The following IKZF2 variants were observed in gnomAD, a reference collection of about 807,000 sequenced individuals.
The protein encoded by IKZF2 is zinc finger protein Helios.
IKZF2 carries 15 observed loss-of-function variants against 49.2 expected under a neutral mutation model. The ratio of observed to expected loss-of-function variants is 0.30; its 90% CI spans 0.20 to 0.47. The LOEUF is 0.47. Among genes scored for constraint, IKZF2 ranks in the 20% least tolerant of loss-of-function variants. The pLI is 1.00. For missense variants in IKZF2, 567 were observed against 664.6 expected (o/e 0.85, Z 1.61); for synonymous variants, 227 against 221.4 (o/e 1.03, Z -0.23).
chr2:213,113,944 A>G (rs2059793176), intron 4 of IKZF2, among the ~76,000 whole-genome samples: 1 of 152,176 alleles, frequency 6.6e-6, no homozygotes. Context: ...CAGAATGCCT[A>G]TCTCCCACTG....
intron 4 of IKZF2, among the ~76,000 whole-genome samples, chr2:213,065,909 T>G (rs1559228041): frequency 6.6e-6 from 1 of 152,064 alleles, no homozygotes; most frequent in East Asian, 1.9e-4. Context: ...TACTCCACAG[T>G]GGAATACAGG....
chr2:213,143,195 T>C lies in IKZF2; in HGVS notation c.139+4513A>G, dbSNP rs559622020. Among the ~76,000 whole-genome samples the C allele has an allele frequency of 6.1e-4, 93 of 152,108 alleles. 1 individual carries two copies. The South Asian group carries it at 0.012, about 20-fold the overall frequency. ...GGAACCCAGAGATGAAAATTCATTA[T>C]GGCTTACAGGAAGACTCTCAATAGA... On this transcript the variant is annotated intron_variant, in intron 4 of 8. Transcript: ENST00000434687.
intron 6 of IKZF2, among the ~76,000 whole-genome samples, chr2:213,034,551 C>T (rs1253637051): frequency 2.6e-5 from 4 of 152,132 alleles, no homozygotes; most frequent in Non-Finnish European, 5.9e-5. Flanking sequence ...AGGTGAGGGA[C>T]AGAGGGACAG....
intron 6 of IKZF2, among the ~76,000 whole-genome samples, chr2:213,036,682 C>T (rs1029485731): frequency 2.0e-5 from 3 of 152,076 alleles, no homozygotes; most frequent in Non-Finnish European, 4.4e-5. Flanking sequence ...AAGGACTCCA[C>T]TCTGATAGAT....
chr2:213,133,548 T>C (rs2060542822), intron 4 of IKZF2, among the ~76,000 whole-genome samples: 5 of 151,964 alleles, frequency 3.3e-5, no homozygotes, highest in Non-Finnish European at 1.5e-5. Flanking sequence ...CTGACCAACA[T>C]GGTAAAACCC....
At chr2:213,009,578 A>T (rs904445334) in intron 8 of IKZF2, among the ~76,000 whole-genome samples, 3 of 152,120 alleles carry the variant, frequency 2.0e-5, no homozygotes, top group African/African-American at 7.2e-5. Context: ...ACACAAAACG[A>T]GGAGAAATTA....
chr2:213,110,384 T>C (rs1489053484), intron 4 of IKZF2, among the ~76,000 whole-genome samples: 1 of 151,940 alleles, frequency 6.6e-6, no homozygotes, highest in Non-Finnish European at 1.5e-5. Flanking sequence ...AGTTTTTAAA[T>C]ATAATTATTA....
intron 4 of IKZF2, among the ~76,000 whole-genome samples, chr2:213,106,084 A>C (rs1271196342): frequency 6.6e-6 from 1 of 152,160 alleles, no homozygotes; most frequent in Non-Finnish European, 1.5e-5. Flanking sequence ...TTAAGATATA[A>C]ATTTACCTAA....
At chr2:213,034,202 G>A (rs1369700707) in intron 6 of IKZF2, among the ~76,000 whole-genome samples, 1 of 152,136 alleles carries the variant, frequency 6.6e-6, no homozygotes, top group Non-Finnish European at 1.5e-5. Flanking sequence ...AGAATGTTGT[G>A]GCTGGTTTGA....
intron 4 of IKZF2, among the ~76,000 whole-genome samples, chr2:213,138,646 T>G (rs1259848920): frequency 6.6e-6 from 1 of 152,028 alleles, no homozygotes; most frequent in African/African-American, 2.4e-5. Context: ...AAGATTCACA[T>G]CTGGAAAACC....
chr2:213,093,866 C>T lies in IKZF2; in HGVS notation c.140-36767G>A, dbSNP rs569846306. Among the ~76,000 whole-genome samples the T allele has an allele frequency of 2.6e-5, 4 of 152,204 alleles. No homozygotes were observed. In the East Asian group the frequency reaches 7.7e-4, roughly 29 times the overall value. ...CTACATGACCTTGAACTTTCTAGTTCGGGAACTAATACATTATAAGACATA... is the reference window on the plus strand; with the variant it reads ...CTACATGACCTTGAACTTTCTAGTTTGGGAACTAATACATTATAAGACATA... On this transcript the variant is annotated intron_variant, in intron 4 of 8. Coordinates refer to ENST00000434687, the MANE Select transcript of IKZF2 (RefSeq NM_001387220.1).
chr2:213,136,851 T>C (rs1187139422), intron 4 of IKZF2, among the ~76,000 whole-genome samples: 1 of 152,180 alleles, frequency 6.6e-6, no homozygotes, highest in Admixed American at 6.5e-5. Flanking sequence ...TTCACACGCA[T>C]ACACATGCAC....
Position 213,092,175 on chromosome 2 carries a change from A to G in IKZF2, c.140-35076T>C, listed in dbSNP as rs185617445. On this transcript the variant is annotated intron_variant, in intron 4 of 8. Coordinates refer to ENST00000434687, the MANE Select transcript of IKZF2 (RefSeq NM_001387220.1). Reference sequence around the variant, plus strand: ...TGAGTCGCTGGAACCACATATGCACACCACCACACCTAGCTAATTTAAAAT... The same window carrying G: ...TGAGTCGCTGGAACCACATATGCACGCCACCACACCTAGCTAATTTAAAAT... Among the ~76,000 whole-genome samples, 876 of 152,040 alleles carry G rather than the reference A, an allele frequency of 5.8e-3. 11 individuals carry two copies. The highest frequency in any genetic ancestry group is 0.02 in the African/African-American group (843 of 41,488).
chr2:213,107,025 C>G (rs886089410), intron 4 of IKZF2, among the ~76,000 whole-genome samples: 11 of 151,942 alleles, frequency 7.2e-5, no homozygotes, highest in Non-Finnish European at 2.9e-5. Flanking sequence ...AAATCATAAA[C>G]CTAGAAATCA....
At chr2:213,102,735 C>T (rs1706853054) in intron 4 of IKZF2, among the ~76,000 whole-genome samples, 1 of 151,836 alleles carries the variant, frequency 6.6e-6, no homozygotes, top group Non-Finnish European at 1.5e-5. Context: ...AACTAATAAT[C>T]AATTGTTCTA....
intron 4 of IKZF2, among the ~76,000 whole-genome samples, chr2:213,059,548 G>GA (rs1312663865): frequency 3.3e-5 from 5 of 151,526 alleles, no homozygotes; most frequent in Non-Finnish European, 5.9e-5. Flanking sequence ...AATTAAGAAA[G>GA]AAAATCACTG....
intron 4 of IKZF2, among the ~76,000 whole-genome samples, chr2:213,070,188 T>C (rs1702549156): frequency 6.6e-6 from 1 of 152,120 alleles, no homozygotes; most frequent in South Asian, 2.1e-4. Context: ...AAGGTTCATA[T>C]GAATACAGTA....
chr2:213,041,253 A>C (rs1449449745), intron 6 of IKZF2, among the ~76,000 whole-genome samples: 1 of 150,992 alleles, frequency 6.6e-6, no homozygotes, highest in Non-Finnish European at 1.5e-5. Context: ...TTTTCCTATA[A>C]CTTTATGTAA....
At chr2:213,028,014 C>A (rs541949929) in intron 6 of IKZF2, among the ~76,000 whole-genome samples, 2 of 152,086 alleles carry the variant, frequency 1.3e-5, no homozygotes, top group Non-Finnish European at 2.9e-5. Flanking sequence ...TGTTTAACAT[C>A]GATTCACATA....
Sources: allele counts gnomAD v4.1 joint callset (sites outside exome capture counted in the v4.1 genomes callset), GRCh38; gene constraint gnomAD v4.1.1; transcripts MANE v1.5; gene names NCBI Gene and HGNC (gene_info 2026-07-23, HGNC 2026-07-21).